AIRE: variants seen among roughly 807,000 people sequenced by gnomAD.
AIRE encodes autoimmune regulator, also known as autoimmune polyendocrinopathy candidiasis ectodermal dystrophy protein.
A neutral mutation model predicts 62.1 loss-of-function variants in AIRE; 52 were observed. The observed-to-expected ratio is 0.84, with a 90% CI of 0.67 to 1.06. The LOEUF is 1.06. Ranked by LOEUF, AIRE falls within the 50% of genes least tolerant of loss-of-function variation. AIRE has a pLI of 0.00. For missense variants in AIRE, 774 were observed against 755.8 expected (o/e 1.02, Z -0.28); for synonymous variants, 342 against 321.6 (o/e 1.06, Z -0.68).
In AIRE at chr21:44,297,776, A is replaced by G; in HGVS notation, c.*49A>G. On this transcript the variant is annotated 3_prime_UTR_variant, in exon 14 of 14. Transcript: ENST00000291582. The surrounding 1 kb of genome is among the most constrained non-coding windows in gnomAD (Gnocchi z 4.8). ...CTCTGATGAGAGAGTGCTGAGAAGG[A>G]CACCTCCTTCCTCAGTCCTGGAAGC... 1.3e-6 allele frequency: 2 copies of G among 1,553,596 alleles called. No individual in the cohort carries two copies. The highest frequency in any genetic ancestry group is 4.5e-5 in the East Asian group (2 of 44,512).
Position 44,288,028 on chromosome 21 carries a change from C to T in AIRE, c.539-317C>T, listed in dbSNP as rs569158369. Among the ~76,000 whole-genome samples, 9 of 152,312 alleles carry T rather than the reference C, an allele frequency of 5.9e-5. No homozygotes were observed. In the South Asian group the frequency reaches 6.2e-4, roughly 11 times the overall value. ...GAGCCTAGGAACTCTGTGTCCCTCC[C>T]GGCACAATACAGGGCCCATGTCATG... is the stretch of plus-strand genomic sequence containing the variant. On this transcript the variant is annotated intron_variant, in intron 4 of 13. Coordinates refer to ENST00000291582, the MANE Select transcript of AIRE (RefSeq NM_000383.4).
intron 7 of AIRE, 59 bp downstream of exon 7, chr21:44,290,127 C>T: frequency 1.3e-6 from 2 of 1,564,726 alleles, no homozygotes; most frequent in African/African-American, 1.4e-5. Flanking sequence ...CGGGTGGGTC[C>T]TGCTGCCTCT....
rs139835427 is a variant in AIRE, at chr21:44,293,904, G to A, written c.1394G>A (p.Arg465Gln). The change falls in exon 11 of 14, where the codon CGG becomes CAG. Residue 465 changes from arginine (R) to glutamine (Q), a missense_variant. Around this residue, in one of 3 missense-constraint regions of AIRE, gnomAD observed 354 missense variants for 296.1 expected, o/e 1.20. Coordinates refer to ENST00000291582, the MANE Select transcript of AIRE (RefSeq NM_000383.4). ...TGCCACTTCCCAGCCGGCACCTCCCGGCCCGGGTGAGTGAGCGTGGTCGGC... is the reference window on the plus strand; with the variant it reads ...TGCCACTTCCCAGCCGGCACCTCCCAGCCCGGGTGAGTGAGCGTGGTCGGC... Reference protein sequence around the residue: ...WRCHFPAGTSRPGTGLRCRSC... With the variant: ...WRCHFPAGTSQPGTGLRCRSC... 4.3e-5 allele frequency: 69 copies of A among 1,596,582 alleles called. No homozygotes were observed. Among genetic ancestry groups the A allele is most frequent in the Middle Eastern group, 3.8e-4 (2 of 5,282 alleles).
At chr21:44,292,932 ACTC>A in intron 9 of AIRE, 58 bp from the exon 10 acceptor site, 1 of 1,529,836 alleles carries the variant, frequency 6.5e-7, no homozygotes, top group Non-Finnish European at 9.0e-7. Flanking sequence ...GCAGTCACTG[ACTC>A]CTGGGTGGTG....
intron 12 of AIRE, 97 bp from the exon 13 acceptor site, chr21:44,296,286 G>C: frequency 1.8e-6 from 2 of 1,102,872 alleles, no homozygotes; most frequent in East Asian, 2.4e-5. Flanking sequence ...ATCTCAGTGT[G>C]GGGGAAACAC....
intron 7 of AIRE, chr21:44,290,609 G>A: frequency 2.1e-6 from 2 of 956,666 alleles, no homozygotes; most frequent in South Asian, 1.6e-5. Flanking sequence ...TGAGGTCATT[G>A]CCGTGCAGGA....
At position 44,287,650 on chromosome 21, in the gene AIRE, G is replaced by A. The variant is rs900943019; in HGVS notation, c.538+59G>A. Reference sequence around the variant, plus strand: ...CCCTGGCCAGGGGCAAGGGGTCAGGGGTCAGAGCAGGGCCTGCCCTCTGAG... The same window carrying A: ...CCCTGGCCAGGGGCAAGGGGTCAGGAGTCAGAGCAGGGCCTGCCCTCTGAG... On this transcript the variant is annotated intron_variant, in intron 4 of 13. Transcript: ENST00000291582. This position sits in a 1 kb window ranked among gnomAD's most constrained non-coding sequence, Gnocchi z 4.3. 13 of 1,486,600 alleles carry A rather than the reference G, an allele frequency of 8.7e-6. No homozygotes were observed. Among genetic ancestry groups the A allele is most frequent in the African/African-American group, 5.6e-5 (4 of 71,544 alleles). 92.1% of individuals were successfully genotyped at this position (1,486,600 alleles called of 1,614,324 possible).
intron 13 of AIRE, 27 bp downstream of exon 13, chr21:44,296,472 C>T: frequency 6.3e-7 from 1 of 1,596,648 alleles, no homozygotes; most frequent in Non-Finnish European, 8.6e-7. Flanking sequence ...CCTCCTGGTG[C>T]TCCTCCACTC....
At chr21:44,294,591 G>C in intron 12 of AIRE, 88 bp downstream of exon 12, 1 of 622,346 alleles carries the variant, frequency 1.6e-6, no homozygotes, top group Non-Finnish European at 2.5e-6. Flanking sequence ...TCTCAGGGCA[G>C]ACCCTGGGTG....
At chr21:44,294,031 C>T in intron 11 of AIRE, 121 bp downstream of exon 11, 1 of 1,333,216 alleles carries the variant, frequency 7.5e-7, no homozygotes, top group Non-Finnish European at 1.0e-6. Context: ...CACACTCCCA[C>T]CCACACCTTG....
At chr21:44,296,543 C>T in intron 13 of AIRE, 98 bp downstream of exon 13, 4 of 1,195,504 alleles carry the variant, frequency 3.3e-6, no homozygotes, top group Non-Finnish European at 5.0e-6. Flanking sequence ...TGCCGGCCCC[C>T]ACTGCTCTTG....
Position 44,293,158 on chromosome 21 carries a change from G to T in AIRE, c.1261G>T (p.Gly421Cys), listed in dbSNP as rs781218872. The stretch of plus-strand genomic sequence containing the variant: ...GGCCCTGCACCCCCTACTGTGTGTG[G>T]GTCCTGAGGGTCAGCAGGTGAGCGG... ...SSALHPLLCV[G>C]PEGQQNLAPG... The change falls in exon 10 of 14, where the codon GGT becomes TGT. Residue 421 changes from glycine (G) to cysteine (C), a missense_variant. Coordinates refer to ENST00000291582, the MANE Select transcript of AIRE (RefSeq NM_000383.4). 6 of 1,568,470 alleles carry T rather than the reference G, an allele frequency of 3.8e-6. No individual in the cohort carries two copies. The highest frequency in any genetic ancestry group is 5.2e-6 in the Non-Finnish European group (6 of 1,156,166).
chr21:44,289,526 G>A, intron 5 of AIRE, 131 bp from the exon 6 acceptor site: 1 of 1,315,496 alleles, frequency 7.6e-7, no homozygotes, highest in Non-Finnish European at 1.1e-6. Context: ...ACTGGGGTGG[G>A]GGCGGGCTGG....
At chr21:44,292,847 C>T (rs192892184) in intron 9 of AIRE, 146 bp from the exon 10 acceptor site, 44 of 689,556 alleles carry the variant, frequency 6.4e-5, no homozygotes, top group Non-Finnish European at 9.8e-5. Flanking sequence ...TGGACGCCTT[C>T]CACCATGCCA....
chr21:44,286,063 G>A lies in AIRE; in HGVS notation c.57G>A (p.Ala19=), dbSNP rs761739665. 16 of 1,542,246 alleles carry A rather than the reference G, an allele frequency of 1.0e-5. No individual in the cohort carries two copies. The Middle Eastern group carries it at 1.4e-3, about 134-fold the overall frequency. ...TGAGGCTGCACCGCACGGAGATCGC[G>A]GTGGCCGTGGACAGCGCCTTCCCAC... ...RLLRLHRTEI[A]VAVDSAFPLL... The change falls in exon 1 of 14, where the codon GCG becomes GCA. Residue 19 remains alanine, a synonymous_variant. Transcript: ENST00000291582. This position sits in a 1 kb window ranked among gnomAD's most constrained non-coding sequence, Gnocchi z 6.0.
intron 7 of AIRE, 61 bp downstream of exon 7, chr21:44,290,129 G>A: frequency 1.3e-6 from 2 of 1,564,858 alleles, no homozygotes; most frequent in Non-Finnish European, 1.7e-6. Flanking sequence ...GGTGGGTCCT[G>A]CTGCCTCTGC....
chr21:44,291,741 C>T (rs1051585230), intron 8 of AIRE, among the ~76,000 whole-genome samples: 4 of 152,128 alleles, frequency 2.6e-5, no homozygotes, highest in East Asian at 1.9e-4. Context: ...CCCCACAGGA[C>T]GTGGCAGTCT....
chr21:44,296,564 A>T (rs1038796070), intron 13 of AIRE, 119 bp downstream of exon 13: 1 of 999,928 alleles, frequency 1.0e-6, no homozygotes, highest in African/African-American at 1.6e-5. Context: ...AGCCGTGGAA[A>T]CTCAGGCTGT....
Position 44,289,744 on chromosome 21 carries a change from G to T in AIRE, c.740G>T (p.Arg247Leu), listed in dbSNP as rs763487370. ...EDSGSGKNKARSSSGPKPLVR... is the reference protein window; with the variant it reads ...EDSGSGKNKALSSSGPKPLVR... ...TCCGGCAGTGGGAAGAACAAGGCCC[G>T]CAGCAGCAGTGGCCCGAAGCCTCTG... The change falls in exon 6 of 14, where the codon CGC becomes CTC. Residue 247 changes from arginine to leucine, a missense_variant. Arg to Leu is a moderately radical substitution (Grantham distance 102). Transcript: ENST00000291582. 1.2e-6 allele frequency: 2 copies of T among 1,612,792 alleles called. No individual in the cohort carries two copies. The highest frequency in any genetic ancestry group is 1.7e-6 in the Non-Finnish European group (2 of 1,179,970).
Sources: allele counts gnomAD v4.1 joint callset (sites outside exome capture counted in the v4.1 genomes callset), GRCh38; gene constraint gnomAD v4.1.1; regional missense constraint gnomAD v4.1.1; non-coding constraint Gnocchi (gnomAD v3.1); transcripts MANE v1.5; gene names NCBI Gene and HGNC (gene_info 2026-07-23, HGNC 2026-07-21).